The following WDFY4 variants were observed in gnomAD, a reference collection of about 807,000 sequenced individuals.
The protein encoded by WDFY4 is WDFY family member 4.
In WDFY4, 169 loss-of-function variants were observed where a neutral mutation model predicts 351.9. The ratio of observed to expected loss-of-function variants is 0.48; its 90% CI spans 0.42 to 0.55. WDFY4 has a LOEUF of 0.55. Among genes scored for constraint, WDFY4 ranks in the 20% least tolerant of loss-of-function variants. The probability of loss-of-function intolerance (pLI) is 0.00; values close to 1 mark genes in which losing one functional copy is unlikely to be tolerated. For missense variants in WDFY4, 3,803 were observed against 3,935.6 expected (o/e 0.97, Z 0.90); for synonymous variants, 1,622 against 1,574.6 (o/e 1.03, Z -0.71).
intron 10 of WDFY4, among the ~76,000 whole-genome samples, chr10:48,734,543 T>TATATAA (rs34515903): frequency 6.6e-6 from 1 of 151,110 alleles, no homozygotes; most frequent in Non-Finnish European, 1.5e-5. Context: ...TATATATATA[T>TATATAA]AATGACATAG....
At chr10:48,739,453 T>C (rs886530563) in intron 11 of WDFY4, among the ~76,000 whole-genome samples, 2 of 152,226 alleles carry the variant, frequency 1.3e-5, no homozygotes, top group African/African-American at 4.8e-5. Flanking sequence ...CAAAGTTGAA[T>C]GACAGTAATG....
At chr10:48,970,432 C>A in intron 57 of WDFY4, 143 bp downstream of exon 57, 1 of 1,209,684 alleles carries the variant, frequency 8.3e-7, no homozygotes, top group South Asian at 1.6e-5. Context: ...CTGCCACCCT[C>A]AGAAGCTAGG....
rs559827834 is a variant in WDFY4 at position 48,693,463 on chromosome 10, T to A, written c.-18+8462T>A. ...CCCTTTCTGTTCTATTCAGATGCCA[T>A]CCTCCCACCTCCTTCGGCACGTTGA... On this transcript the variant is annotated intron_variant, in intron 1 of 61. Coordinates refer to ENST00000325239, the MANE Select transcript of WDFY4 (RefSeq NM_001394531.1). Among the ~76,000 whole-genome samples the A allele has an allele frequency of 9.9e-5, 15 of 152,218 alleles. No individual in the cohort carries two copies. The South Asian group carries it at 3.1e-3, about 32-fold the overall frequency.
At chr10:48,914,221 A>G (rs1349282347) in intron 47 of WDFY4, 16 of 1,509,594 alleles carry the variant, frequency 1.1e-5, no homozygotes, top group Admixed American at 2.0e-5. Flanking sequence ...TGTGAGGAAA[A>G]ATCATGAAAA....
chr10:48,800,016 G>A (rs2067009233), intron 24 of WDFY4, among the ~76,000 whole-genome samples: 1 of 152,098 alleles, frequency 6.6e-6, no homozygotes, highest in Non-Finnish European at 1.5e-5. Context: ...CTCTCGAGTA[G>A]CTGGGACTAT....
At chr10:48,770,193 G>A (rs1473829450) in intron 13 of WDFY4, among the ~76,000 whole-genome samples, 2 of 152,150 alleles carry the variant, frequency 1.3e-5, no homozygotes, top group Non-Finnish European at 2.9e-5. Flanking sequence ...CCTCCATTAC[G>A]GGGTATTGAG....
At chr10:48,942,865 C>G (rs1047222182) in intron 48 of WDFY4, among the ~76,000 whole-genome samples, 2 of 152,192 alleles carry the variant, frequency 1.3e-5, no homozygotes, top group African/African-American at 4.8e-5. Context: ...CAGGCAGGGA[C>G]AGGGAATAGG....
intron 39 of WDFY4, among the ~76,000 whole-genome samples, chr10:48,838,088 G>A (rs77999232): frequency 6.6e-6 from 1 of 152,250 alleles, no homozygotes; most frequent in South Asian, 2.1e-4. Flanking sequence ...AGGGAAGTCA[G>A]GGCTGTGTAA....
At chr10:48,694,859 A>G (rs1362383571) in intron 1 of WDFY4, among the ~76,000 whole-genome samples, 1 of 151,976 alleles carries the variant, frequency 6.6e-6, no homozygotes, top group Non-Finnish European at 1.5e-5. Context: ...AAGACCTCCC[A>G]GACTTCTCCA....
intron 47 of WDFY4, among the ~76,000 whole-genome samples, chr10:48,919,388 C>T (rs992934124): frequency 4.6e-5 from 7 of 152,156 alleles, no homozygotes; most frequent in Non-Finnish European, 2.9e-5. Context: ...ATGGAATTCA[C>T]GGTTGAAACC....
chr10:48,959,104 A>G (rs1237186797), intron 52 of WDFY4, among the ~76,000 whole-genome samples: 1 of 152,244 alleles, frequency 6.6e-6, no homozygotes, highest in Non-Finnish European at 1.5e-5. Flanking sequence ...TGGAAAATGA[A>G]TCTCAAAGAA....
intron 13 of WDFY4, among the ~76,000 whole-genome samples, chr10:48,772,558 T>TA (rs60444925): frequency 1.6e-5 from 2 of 126,292 alleles, no homozygotes; most frequent in Admixed American, 1.5e-4. Flanking sequence ...TTTTTTTTTT[T>TA]ATTATACTTT....
At chr10:48,741,165 C>T (rs1055891917) in intron 11 of WDFY4, among the ~76,000 whole-genome samples, 2 of 152,244 alleles carry the variant, frequency 1.3e-5, no homozygotes, top group African/African-American at 4.8e-5. Context: ...GTTCAGGCTC[C>T]TCCTGTGTTC....
intron 4 of WDFY4, among the ~76,000 whole-genome samples, chr10:48,721,737 G>A (rs190711079): frequency 1.4e-4 from 22 of 152,234 alleles, no homozygotes; most frequent in South Asian, 2.1e-4. Context: ...CCCAGACATC[G>A]TCAGTTAATC....
chr10:48,870,824 G>T (rs1021089297), intron 40 of WDFY4, among the ~76,000 whole-genome samples: 1 of 152,126 alleles, frequency 6.6e-6, no homozygotes, highest in Non-Finnish European at 1.5e-5. Context: ...CTCTCTCAGG[G>T]ATCACACCAT....
intron 40 of WDFY4, among the ~76,000 whole-genome samples, chr10:48,868,654 T>C (rs2133259317): frequency 6.6e-6 from 1 of 152,262 alleles, no homozygotes; most frequent in East Asian, 1.9e-4. Flanking sequence ...ATAAGATGAA[T>C]CTTGTAGGAT....
chr10:48,713,198 G>A (rs1346451484), intron 2 of WDFY4, among the ~76,000 whole-genome samples: 2 of 152,144 alleles, frequency 1.3e-5, no homozygotes, highest in East Asian at 3.8e-4. Context: ...TTGGGGCTGG[G>A]TGAATCAGGT....
At position 48,868,641 on chromosome 10, in the gene WDFY4, G is replaced by A. The variant is rs117594987; in HGVS notation, c.6741+1299G>A. Among the ~76,000 whole-genome samples, 1,077 of 152,300 alleles carry A rather than the reference G, an allele frequency of 7.1e-3. 8 individuals carry two copies. Among genetic ancestry groups the A allele is most frequent in the Middle Eastern group, 0.014 (4 of 294 alleles). Reference sequence around the variant, plus strand: ...GATAAATTTAATTGCCACTGAGGGGGAAATAAGATGAATCTTGTAGGATTG... The same window carrying A: ...GATAAATTTAATTGCCACTGAGGGGAAAATAAGATGAATCTTGTAGGATTG... On this transcript the variant is annotated intron_variant, in intron 40 of 61. Coordinates refer to ENST00000325239, the MANE Select transcript of WDFY4 (RefSeq NM_001394531.1).
intron 2 of WDFY4, among the ~76,000 whole-genome samples, chr10:48,717,413 A>G (rs190592398): frequency 1.6e-4 from 25 of 152,382 alleles, no homozygotes; most frequent in Admixed American, 1.4e-3. Flanking sequence ...ATTCAGATCC[A>G]TACAAAATTT....
Sources: allele counts gnomAD v4.1 joint callset (sites outside exome capture counted in the v4.1 genomes callset), GRCh38; gene constraint gnomAD v4.1.1; transcripts MANE v1.5; gene names NCBI Gene and HGNC (gene_info 2026-07-23, HGNC 2026-07-21).